Variants in KALRN observed in about 807,000 individuals in gnomAD.
The protein encoded by KALRN is kalirin.
A neutral mutation model predicts 353.7 loss-of-function variants in KALRN; 70 were observed. That is an observed-to-expected ratio of 0.20 (90% CI 0.16 to 0.24). The LOEUF (loss-of-function observed/expected upper bound fraction) is 0.24, where lower values mean the gene tolerates loss of function less well. KALRN is among the 10% of genes least tolerant of loss of function. KALRN has a pLI of 1.00. For missense variants in KALRN, 2,791 were observed against 3,756.7 expected (o/e 0.74, Z 6.72); for synonymous variants, 1,391 against 1,434.8 (o/e 0.97, Z 0.69).
intron 18 of KALRN, 107 bp downstream of exon 18, chr3:124,439,144 T>C: frequency 9.6e-7 from 1 of 1,036,326 alleles, no homozygotes; most frequent in South Asian, 1.7e-5. Context: ...TCTCTCTTTC[T>C]CTTTCTCTCT....
At position 124,678,246 on chromosome 3, in the gene KALRN, C is replaced by T. The variant is rs375472024; in HGVS notation, c.7250C>T (p.Thr2417Met). ...AGAAAGCGGGCGGAAGTGGAGAACACGGGTAAAAATGAAGCCACAGGGCCT... is the reference window on the plus strand; with the variant it reads ...AGAAAGCGGGCGGAAGTGGAGAACATGGGTAAAAATGAAGCCACAGGGCCT... ...RMRKRAEVEN[T>M]GKNEATGPRK... Residue 2417 changes from threonine (T) to methionine (M), a missense_variant, in exon 50 of 60, where the codon ACG (threonine) becomes ATG (methionine). Transcript: ENST00000682506. The T allele has an allele frequency of 1.1e-5, 17 of 1,613,924 alleles. No individual in the cohort carries two copies. The highest frequency in any genetic ancestry group is 5.3e-5 in the African/African-American group (4 of 75,026).
chr3:124,293,958 A>G (rs574076959), intron 5 of KALRN, among the ~76,000 whole-genome samples: 1 of 152,128 alleles, frequency 6.6e-6, no homozygotes, highest in Non-Finnish European at 1.5e-5. Flanking sequence ...TCATTCAGTG[A>G]GTATTGAGAG....
intron 54 of KALRN, among the ~76,000 whole-genome samples, chr3:124,696,873 T>A (rs1317293294): frequency 6.6e-6 from 1 of 152,216 alleles, no homozygotes; most frequent in African/African-American, 2.4e-5. Flanking sequence ...CCCCAGTGCT[T>A]CTTGGCCACC....
rs2072245965 is a variant in KALRN, at chr3:124,562,948, C to T, written c.5041C>T (p.Pro1681Ser). The change falls in exon 34 of 60, where the codon CCC (proline) becomes TCC (serine). Residue 1681 changes from proline (P) to serine (S), a missense_variant. Coordinates refer to ENST00000682506, the MANE Select transcript of KALRN (RefSeq NM_001388419.1). ...GCAGACGGTAGAGCTGCTGGAGCGG[C>T]CCAGCGAGCGGCCTGGTTGGTGTCT... is the stretch of plus-strand genomic sequence containing the variant. ...VGQTVELLER[P>S]SERPGWCLVR... The T allele has an allele frequency of 7.3e-7, 1 of 1,367,936 alleles. No individual in the cohort carries two copies. Among genetic ancestry groups the T allele is most frequent in the Non-Finnish European group, 9.8e-7 (1 of 1,022,020 alleles). 84.7% of individuals were successfully genotyped at this position (1,367,936 alleles called of 1,614,324 possible). A position where few individuals can be genotyped will look rare whatever the true frequency, so the allele number is the denominator to read the frequency against.
intron 33 of KALRN, among the ~76,000 whole-genome samples, chr3:124,505,326 C>A (rs1048876035): frequency 2.6e-5 from 4 of 152,054 alleles, no homozygotes; most frequent in African/African-American, 9.7e-5. Context: ...TGAAAATAAA[C>A]TTAAAAACTT....
intron 1 of KALRN, among the ~76,000 whole-genome samples, chr3:124,144,105 A>G (rs2066978486): frequency 1.3e-5 from 2 of 152,124 alleles, no homozygotes; most frequent in South Asian, 2.1e-4. Flanking sequence ...AACATTCCCA[A>G]ATAGCATCCC....
intron 1 of KALRN, among the ~76,000 whole-genome samples, chr3:124,052,234 G>A (rs1577592100): frequency 6.6e-6 from 1 of 152,174 alleles, no homozygotes; most frequent in South Asian, 2.1e-4. Flanking sequence ...CCTTGGGGAG[G>A]ATCATCCTGA....
chr3:124,286,082 C>CCTTCCTTCCTTTCTTT (rs1553893895), intron 5 of KALRN, among the ~76,000 whole-genome samples: 140 of 102,246 alleles, frequency 1.4e-3, no homozygotes, highest in Non-Finnish European at 2.1e-3. Context: ...TTCTTTCCTT[C>CCTTCCTTCCTTTCTTT]CTTTCTTTCT....
Position 124,723,701 on chromosome 3 carries a change from T to C in KALRN, c.*4231T>C, listed in dbSNP as rs2063385547. ...AATTTCGATCATTTAAGAGCTTGTC[T>C]ACCGAAAAGGGTTAGGAGAGCTGAT... On this transcript the variant is annotated 3_prime_UTR_variant, in exon 60 of 60. Transcript: ENST00000682506. The C allele has an allele frequency of 6.6e-6, 1 of 152,234 alleles. No homozygotes were observed. Among genetic ancestry groups the C allele is most frequent in the Non-Finnish European group, 1.5e-5 (1 of 68,036 alleles). 9.4% of individuals were successfully genotyped at this position (152,234 alleles called of 1,614,324 possible).
chr3:124,455,269 G>A lies in KALRN; in HGVS notation c.3645G>A (p.Val1215=), dbSNP rs1210444005. Residue 1215 remains valine (V), a synonymous_variant, in exon 22 of 60, where the codon GTG becomes GTA. Coordinates refer to ENST00000682506, the MANE Select transcript of KALRN (RefSeq NM_001388419.1). ...HIHATEIRKW[V]TTVDKHYRDF... is the part of the protein sequence containing the mutation. ...ATGCCACGGAGATAAGGAAATGGGT[G>A]ACCACGGTGGACAAGCACTACAGAG... 6.2e-7 allele frequency: 1 copy of A among 1,614,070 alleles called. No homozygotes were observed. The highest frequency in any genetic ancestry group is 1.3e-5 in the African/African-American group (1 of 74,946).
intron 1 of KALRN, among the ~76,000 whole-genome samples, chr3:124,101,047 A>G (rs1169098142): frequency 6.6e-6 from 1 of 152,274 alleles, no homozygotes; most frequent in Non-Finnish European, 1.5e-5. Flanking sequence ...AGGAGAACAC[A>G]TAGAACATTG....
chr3:124,142,275 G>A (rs1347178466), intron 1 of KALRN, among the ~76,000 whole-genome samples: 7 of 152,192 alleles, frequency 4.6e-5, no homozygotes, highest in Non-Finnish European at 8.8e-5. Context: ...GCAGGTAAGT[G>A]GCTGAGCCAG....
Position 124,152,140 on chromosome 3 carries a change from C to T in KALRN, c.74-75850C>T, listed in dbSNP as rs375637326. 3 of 1,339,310 alleles carry T rather than the reference C, an allele frequency of 2.2e-6. No individual in the cohort carries two copies. The East Asian group carries it at 6.9e-5, about 31-fold the overall frequency. The allele number at this position is 1,339,310 out of a possible 1,614,324, so 83.0% of individuals were successfully genotyped here. A position where few individuals can be genotyped will look rare whatever the true frequency, so the allele number is the denominator to read the frequency against. On this transcript the variant is annotated intron_variant, in intron 1 of 59. Coordinates refer to ENST00000682506, the MANE Select transcript of KALRN (RefSeq NM_001388419.1). ...CATTATAGATCTCATGAATCAGATC[C>T]TTCCTGCAGATGATGCAAGAGATCG... is the stretch of plus-strand genomic sequence containing the variant.
At chr3:124,187,513 G>T (rs892788380) in intron 1 of KALRN, among the ~76,000 whole-genome samples, 2 of 152,202 alleles carry the variant, frequency 1.3e-5, no homozygotes, top group Non-Finnish European at 2.9e-5. Flanking sequence ...TAAGCCTCTG[G>T]TATGAAAGGC....
chr3:124,633,966 T>C lies in KALRN; in HGVS notation c.5568+13T>C, dbSNP rs755698753. 5.6e-6 allele frequency: 9 copies of C among 1,607,138 alleles called. No homozygotes were observed. The highest frequency in any genetic ancestry group is 6.0e-6 in the Non-Finnish European group (7 of 1,174,020). ...ACAGGATGAAATGGTAGAACTTCTT[T>C]ACTTGCTCACTTAAAAGAGCAACGT... On this transcript the variant is annotated intron_variant, in intron 36 of 59. Coordinates refer to ENST00000682506, the MANE Select transcript of KALRN (RefSeq NM_001388419.1).
chr3:124,042,397 A>C (rs768998632), intron 1 of KALRN, among the ~76,000 whole-genome samples: 3 of 152,202 alleles, frequency 2.0e-5, no homozygotes, highest in African/African-American at 4.8e-5. Flanking sequence ...TCAGAAAGAT[A>C]AATCTGGCAG....
At chr3:124,439,089 G>A in intron 18 of KALRN, 52 bp downstream of exon 18, 2 of 1,558,948 alleles carry the variant, frequency 1.3e-6, no homozygotes, top group South Asian at 1.1e-5. Flanking sequence ...TGGCCGCCTT[G>A]TTCTTTCATC....
intron 13 of KALRN, among the ~76,000 whole-genome samples, chr3:124,405,638 GTTTTTTTTTTTT>G (rs71145451): frequency 7.2e-5 from 6 of 83,868 alleles, no homozygotes; most frequent in Non-Finnish European, 1.3e-4. Context: ...GGACCTCAGG[GTTTTTTTTTTTT>G]TTTTTTTTTT....
At chr3:124,368,334 C>G (rs190008476) in intron 10 of KALRN, among the ~76,000 whole-genome samples, 1 of 148,028 alleles carries the variant, frequency 6.8e-6, no homozygotes, top group African/African-American at 2.5e-5. Context: ...AGGGGCTCCT[C>G]ATTTCTCAGA....
Sources: allele counts gnomAD v4.1 joint callset (sites outside exome capture counted in the v4.1 genomes callset), GRCh38; gene constraint gnomAD v4.1.1; transcripts MANE v1.5; gene names NCBI Gene and HGNC (gene_info 2026-07-23, HGNC 2026-07-21).